Variants in CNTN5 observed in about 807,000 individuals in gnomAD.
The protein encoded by CNTN5 is contactin-5.
A neutral mutation model predicts 129.1 loss-of-function variants in CNTN5; 77 were observed. The observed-to-expected ratio is 0.60, with a 90% confidence interval of 0.50 to 0.72. The LOEUF is 0.72. Among genes scored for constraint, CNTN5 ranks in the 30% least tolerant of loss-of-function variants. The probability of loss-of-function intolerance (pLI) is 0.00; values close to 1 mark genes in which losing one functional copy is unlikely to be tolerated. For missense variants in CNTN5, 1,478 were observed against 1,328.8 expected (o/e 1.11, Z -1.75); for synonymous variants, 509 against 465.6 (o/e 1.09, Z -1.20).
intron 23 of CNTN5, among the ~76,000 whole-genome samples, chr11:100,342,099 A>G (rs1952174633): frequency 6.6e-6 from 1 of 151,806 alleles, no homozygotes; most frequent in Non-Finnish European, 1.5e-5. Flanking sequence ...TTCCATTAAT[A>G]TTATATTACA....
intron 2 of CNTN5, among the ~76,000 whole-genome samples, chr11:99,470,171 A>G (rs891540064): frequency 9.2e-5 from 14 of 152,168 alleles, no homozygotes; most frequent in African/African-American, 3.1e-4. Context: ...TTAGTTATGA[A>G]TCAGTTATTT....
At chr11:99,203,032 A>G (rs1233463323) in intron 1 of CNTN5, among the ~76,000 whole-genome samples, 4 of 152,024 alleles carry the variant, frequency 2.6e-5, no homozygotes, top group Non-Finnish European at 1.5e-5. Flanking sequence ...GCAGGCAGAG[A>G]GGGAGGGAGG....
chr11:99,817,599 T>TTTTG lies in CNTN5; in HGVS notation c.56-1942_56-1941insGTTT, dbSNP rs1946632266. On this transcript the variant is annotated intron_variant, in intron 3 of 24. Transcript: ENST00000524871. Reference sequence around the variant, plus strand: ...TTGTTAATACTAGTCTGGGATAGTTTTTTTTTTTTTTTTTTTTTTTTCCTT... The same window carrying TTTTG: ...TTGTTAATACTAGTCTGGGATAGTTTTTTGTTTTTTTTTTTTTTTTTTTTTCCTT... 5.0e-5 allele frequency among the ~76,000 whole-genome samples: 4 copies of TTTTG among 79,234 alleles called. No individual in the cohort carries two copies. In the Admixed American group the frequency reaches 5.5e-4, roughly 11 times the overall value. The allele number at this position is 79,234 out of a possible 152,430, so 52.0% of individuals were successfully genotyped here. A position where few individuals can be genotyped will look rare whatever the true frequency, so the allele number is the denominator to read the frequency against.
At chr11:99,988,851 TTGTGTGTGTG>T (rs59171240) in intron 8 of CNTN5, among the ~76,000 whole-genome samples, 2 of 150,026 alleles carry the variant, frequency 1.3e-5, no homozygotes, top group Admixed American at 6.6e-5. Flanking sequence ...GTGTGTGTGT[TTGTGTGTGTG>T]TGTGTGTGTG....
At chr11:100,115,215 G>A (rs1300218793) in intron 13 of CNTN5, among the ~76,000 whole-genome samples, 1 of 150,484 alleles carries the variant, frequency 6.6e-6, no homozygotes, top group Non-Finnish European at 1.5e-5. Flanking sequence ...AGAGATTCAA[G>A]TTAGTTTGTT....
At chr11:99,042,365 CTTTTTTTTTTTTTTTTT>C (rs1210153589) in intron 1 of CNTN5, among the ~76,000 whole-genome samples, 5 of 83,798 alleles carry the variant, frequency 6.0e-5, no homozygotes, top group African/African-American at 2.0e-4. Context: ...TCTTCTTCTT[CTTTTTTTTTTTTTTTTT>C]TTTTTTTTTT....
At chr11:99,659,358 T>G (rs1453998839) in intron 3 of CNTN5, among the ~76,000 whole-genome samples, 1 of 152,174 alleles carries the variant, frequency 6.6e-6, no homozygotes, top group African/African-American at 2.4e-5. Context: ...TTGGATACCA[T>G]AAGATATATA....
chr11:99,400,042 G>T (rs6590085), intron 2 of CNTN5, among the ~76,000 whole-genome samples: 140,994 of 152,078 alleles, frequency 0.93, 65,741 homozygotes, highest in African/African-American at 0.98. Context: ...GGTACTTTTA[G>T]TACTTTTAAA....
chr11:99,878,979 C>A (rs1328082410), intron 6 of CNTN5, among the ~76,000 whole-genome samples: 1 of 152,072 alleles, frequency 6.6e-6, no homozygotes. Context: ...GTCGCTCGCG[C>A]TGGAGTACAG....
chr11:99,037,187 C>G (rs928601814), intron 1 of CNTN5, among the ~76,000 whole-genome samples: 22 of 152,180 alleles, frequency 1.4e-4, no homozygotes, highest in African/African-American at 5.1e-4. Context: ...ATATCACTCA[C>G]TCAACACTGC....
intron 1 of CNTN5, among the ~76,000 whole-genome samples, chr11:99,197,907 A>G (rs188313045): frequency 6.0e-4 from 92 of 152,266 alleles, no homozygotes; most frequent in African/African-American, 2.1e-3. Context: ...AAATGACATA[A>G]TTTGGTGGTA....
chr11:99,445,442 CTG>C (rs1310793381), intron 2 of CNTN5, among the ~76,000 whole-genome samples: 2 of 152,112 alleles, frequency 1.3e-5, no homozygotes, highest in African/African-American at 4.8e-5. Flanking sequence ...AATAAATTCT[CTG>C]TTCAAATGGC....
chr11:99,388,981 C>CTTTATTTTAT (rs1565542059), intron 2 of CNTN5, among the ~76,000 whole-genome samples: 3 of 105,646 alleles, frequency 2.8e-5, no homozygotes, highest in African/African-American at 1.0e-4. Flanking sequence ...ATTCTCCAGT[C>CTTTATTTTAT]CTTATTTTAT....
intron 17 of CNTN5, among the ~76,000 whole-genome samples, chr11:100,256,878 T>C (rs1046839237): frequency 6.6e-6 from 1 of 151,912 alleles, no homozygotes; most frequent in Non-Finnish European, 1.5e-5. Flanking sequence ...GGGAAGCCAT[T>C]TGGGCAGACA....
intron 1 of CNTN5, among the ~76,000 whole-genome samples, chr11:99,113,262 C>A (rs1320416116): frequency 1.3e-5 from 2 of 152,020 alleles, no homozygotes; most frequent in Admixed American, 1.3e-4. Flanking sequence ...CATCTCCACG[C>A]ACTTATCACC....
At chr11:99,363,278 CTCTTTTACAAG>C (rs1939235287) in intron 2 of CNTN5, among the ~76,000 whole-genome samples, 1 of 152,092 alleles carries the variant, frequency 6.6e-6, no homozygotes, top group Admixed American at 6.6e-5. Flanking sequence ...GATTGACTAG[CTCTTTTACAAG>C]TCTTTTACTG....
At chr11:100,322,106 A>G (rs72987665) in intron 21 of CNTN5, among the ~76,000 whole-genome samples, 8,862 of 151,978 alleles carry the variant, frequency 0.058, 359 homozygotes, top group Middle Eastern at 0.12. Context: ...TTCTAACAAC[A>G]CTAGTTGGTT....
intron 8 of CNTN5, among the ~76,000 whole-genome samples, chr11:99,970,950 T>C (rs549001894): frequency 8.5e-5 from 13 of 152,344 alleles, no homozygotes; most frequent in African/African-American, 3.1e-4. Context: ...AAGTACCCTC[T>C]TAACTCCTAG....
chr11:100,071,373 A>G (rs1012978780), intron 11 of CNTN5, among the ~76,000 whole-genome samples: 2 of 152,150 alleles, frequency 1.3e-5, no homozygotes, highest in Non-Finnish European at 2.9e-5. Context: ...TGTAAACGGA[A>G]TGCAAATAAA....
Sources: gnomAD v4.1 joint callset for allele counts (sites outside exome capture counted in the v4.1 genomes callset) on GRCh38, gnomAD v4.1.1 for gene constraint, MANE v1.5 for transcripts, NCBI Gene and HGNC (gene_info 2026-07-23, HGNC 2026-07-21) for gene names.